CASQ2: variants seen among roughly 807,000 people sequenced by gnomAD.
CASQ2 encodes the protein calsequestrin 2.
In CASQ2, 49 loss-of-function variants were observed where a neutral mutation model predicts 46.5. That is an observed-to-expected ratio of 1.05 (90% CI 0.84 to 1.34). The LOEUF (loss-of-function observed/expected upper bound fraction) is 1.34, where lower values mean the gene tolerates loss of function less well. CASQ2 is among the 40% of genes most tolerant of loss of function. CASQ2 has a pLI of 0.00. For synonymous variants in CASQ2, 174 were observed against 168.5 expected, an observed-to-expected ratio of 1.03 and a Z score of -0.25; for missense variants, 486 against 481.3, an observed-to-expected ratio of 1.01 and a Z score of -0.09.
intron 9 of CASQ2, among the ~76,000 whole-genome samples, chr1:115,703,922 AAC>A (rs199740113): frequency 6.6e-6 from 1 of 151,412 alleles, no homozygotes; most frequent in Admixed American, 6.6e-5. Context: ...AAAAAAAAAA[AAC>A]AAAAAAAAAC....
chr1:115,703,030 CA>C (rs1486564161), intron 9 of CASQ2, 35 bp from the exon 10 acceptor site: 1 of 1,560,566 alleles, frequency 6.4e-7, no homozygotes, highest in Non-Finnish European at 8.8e-7. Context: ...AGACAGCAGG[CA>C]GAGGGCATTC....
At chr1:115,757,089 G>C (rs1557804822) in intron 1 of CASQ2, among the ~76,000 whole-genome samples, 1 of 152,110 alleles carries the variant, frequency 6.6e-6, no homozygotes, top group Non-Finnish European at 1.5e-5. Flanking sequence ...AGGTTCCAAT[G>C]GTCTAAAAAC....
chr1:115,714,186 C>T (rs1381175916), intron 8 of CASQ2, among the ~76,000 whole-genome samples: 3 of 152,192 alleles, frequency 2.0e-5, no homozygotes, highest in Non-Finnish European at 4.4e-5. Flanking sequence ...TCAGCTTCCT[C>T]AGTTGTAATA....
At chr1:115,764,788 C>T (rs1042440253) in intron 1 of CASQ2, among the ~76,000 whole-genome samples, 5 of 152,152 alleles carry the variant, frequency 3.3e-5, no homozygotes, top group Admixed American at 2.0e-4. Flanking sequence ...TATTACTTGC[C>T]TTTTTCTTGC....
intron 5 of CASQ2, among the ~76,000 whole-genome samples, chr1:115,729,755 G>A (rs950709521): frequency 1.3e-4 from 20 of 152,194 alleles, no homozygotes; most frequent in South Asian, 4.1e-4. Flanking sequence ...TGGTGCAAAA[G>A]TAATCGCAGT....
intron 8 of CASQ2, among the ~76,000 whole-genome samples, chr1:115,717,374 C>A (rs1379142960): frequency 6.6e-6 from 1 of 152,178 alleles, no homozygotes; most frequent in Non-Finnish European, 1.5e-5. Context: ...TGGAAGAATG[C>A]AGTTTCCACA....
chr1:115,741,836 C>T (rs767938956), intron 2 of CASQ2, among the ~76,000 whole-genome samples: 9 of 152,142 alleles, frequency 5.9e-5, no homozygotes, highest in Non-Finnish European at 1.2e-4. Context: ...TGCCTGGCAT[C>T]CTTAATTCCT....
chr1:115,734,773 C>T (rs770401330), intron 4 of CASQ2, among the ~76,000 whole-genome samples: 11 of 152,126 alleles, frequency 7.2e-5, no homozygotes, highest in African/African-American at 2.7e-4. Context: ...CAGGGTTGTG[C>T]GTACTGGATA....
chr1:115,762,645 T>A (rs1441601855), intron 1 of CASQ2, among the ~76,000 whole-genome samples: 5 of 152,252 alleles, frequency 3.3e-5, no homozygotes, highest in Admixed American at 3.3e-4. Context: ...TCCTTCCTCT[T>A]TTCCTTCTAT....
chr1:115,704,823 A>C (rs1239176896), intron 9 of CASQ2, among the ~76,000 whole-genome samples: 1 of 152,208 alleles, frequency 6.6e-6, no homozygotes, highest in Non-Finnish European at 1.5e-5. Context: ...TTTATTACTT[A>C]GTAATTCAGG....
chr1:115,763,555 T>C (rs1233224786), intron 1 of CASQ2, among the ~76,000 whole-genome samples: 1 of 152,162 alleles, frequency 6.6e-6, no homozygotes, highest in Non-Finnish European at 1.5e-5. Context: ...GTTAGCTGTA[T>C]TGTGTTTAGA....
intron 8 of CASQ2, among the ~76,000 whole-genome samples, chr1:115,706,184 ATGTGTGTGTGCG>A (rs1328813848): frequency 1.3e-5 from 2 of 150,096 alleles, no homozygotes; most frequent in Non-Finnish European, 3.0e-5. Flanking sequence ...GCGTGTGTGT[ATGTGTGTGTGCG>A]TGTGTGTGTG....
At chr1:115,740,666 TA>T in intron 3 of CASQ2, 61 bp downstream of exon 3, 2 of 1,059,924 alleles carry the variant, frequency 1.9e-6, no homozygotes, top group Admixed American at 3.4e-5. Context: ...TTTGGGGTTC[TA>T]TCTCTCCCTA....
Position 115,700,306 on chromosome 1 carries a change from TGGA to T in CASQ2, c.*932_*934del, listed in dbSNP as rs1307636950. The T allele has an allele frequency of 6.6e-6, 1 of 152,472 alleles. No homozygotes were observed. 9.4% of individuals were successfully genotyped at this position (152,472 alleles called of 1,614,324 possible). A position where few individuals can be genotyped will look rare whatever the true frequency, so the allele number is the denominator to read the frequency against. The stretch of plus-strand genomic sequence containing the variant: ...GGCCAATTGTGGGAGTACTGATAAC[TGGA>T]GAGTTAATTGACTGCTGGATAAAGC... On this transcript the variant is annotated 3_prime_UTR_variant, in exon 11 of 11. Transcript: ENST00000261448.
rs375286334 is a variant in CASQ2 at position 115,701,245 on chromosome 1, T to G, written c.1196A>C (p.Glu399Ala). Residue 399 changes from glutamate to alanine, a missense_variant, in exon 11 of 11, where the codon GAA becomes GCA. Coordinates refer to ENST00000261448, the MANE Select transcript of CASQ2 (RefSeq NM_001232.4). ...DNDDSDDDDD[E>A] ...TCAGAATTGTTTGGAGTTGGGCTATTCATCATCATCGTCATCACTGTCATC... is the reference window on the plus strand; with the variant it reads ...TCAGAATTGTTTGGAGTTGGGCTATGCATCATCATCGTCATCACTGTCATC... The G allele has an allele frequency of 6.2e-7, 1 of 1,612,290 alleles. No homozygotes were observed. The highest frequency in any genetic ancestry group is 1.3e-5 in the African/African-American group (1 of 74,968).
Position 115,739,124 on chromosome 1 carries a change from C to CTTTTTTTTTTTTTTTTTTTTTT in CASQ2, c.421-790_421-789insAAAAAAAAAAAAAAAAAAAAAA, listed in dbSNP as rs1299140156. 1.1e-3 allele frequency among the ~76,000 whole-genome samples: 111 copies of CTTTTTTTTTTTTTTTTTTTTTT among 99,572 alleles called. 25 individuals carry two copies. The highest frequency in any genetic ancestry group is 2.2e-3 in the South Asian group (6 of 2,766). The allele number at this position is 99,572 out of a possible 152,430, so 65.3% of individuals were successfully genotyped here. On this transcript the variant is annotated intron_variant, in intron 3 of 10. Transcript: ENST00000261448. ...ATGTATAGCACATTTTCTTTTCTTT[C>CTTTTTTTTTTTTTTTTTTTTTT]TTTTTGAGATGGAGTCATGCTGTGT...
intron 8 of CASQ2, among the ~76,000 whole-genome samples, chr1:115,705,963 C>T (rs1169024809): frequency 1.3e-5 from 2 of 152,034 alleles, no homozygotes; most frequent in African/African-American, 2.4e-5. Flanking sequence ...GCTTTAAAAG[C>T]CTAAACCTTG....
intron 8 of CASQ2, among the ~76,000 whole-genome samples, chr1:115,708,655 G>C (rs1654438113): frequency 6.6e-6 from 1 of 152,196 alleles, no homozygotes; most frequent in Non-Finnish European, 1.5e-5. Flanking sequence ...ACAGTGCCTG[G>C]CATATAGTAA....
chr1:115,701,071 G>A lies in CASQ2; in HGVS notation c.*170C>T, dbSNP rs1654187834. 4 of 944,100 alleles carry A rather than the reference G, an allele frequency of 4.2e-6. No homozygotes were observed. 58.5% of individuals were successfully genotyped at this position (944,100 alleles called of 1,614,324 possible). A position where few individuals can be genotyped will look rare whatever the true frequency, so the allele number is the denominator to read the frequency against. On this transcript the variant is annotated 3_prime_UTR_variant, in exon 11 of 11. Coordinates refer to ENST00000261448, the MANE Select transcript of CASQ2 (RefSeq NM_001232.4). ...AAGTGGGATTGCTGCATTTGAAAAGGCATTTGCTGAATGATGCTGCTCCTG... is the reference window on the plus strand; with the variant it reads ...AAGTGGGATTGCTGCATTTGAAAAGACATTTGCTGAATGATGCTGCTCCTG...
Sources: allele counts gnomAD v4.1 joint callset (sites outside exome capture counted in the v4.1 genomes callset), GRCh38; gene constraint gnomAD v4.1.1; transcripts MANE v1.5; gene names NCBI Gene and HGNC (gene_info 2026-07-23, HGNC 2026-07-21).